GAK: variants seen among roughly 807,000 people sequenced by gnomAD.
The protein encoded by GAK is cyclin G associated kinase.
GAK carries 79 observed loss-of-function variants against 143.9 expected under a neutral mutation model. The ratio of observed to expected loss-of-function variants is 0.55; its 90% CI spans 0.46 to 0.66. The LOEUF is 0.66. Among genes scored for constraint, GAK ranks in the 30% least tolerant of loss-of-function variants. GAK has a pLI of 0.00. For synonymous variants in GAK, 881 were observed against 765.5 expected (o/e 1.15, Z -2.49); for missense variants, 1,693 against 1,779.7 (o/e 0.95, Z 0.88).
rs566715038 is a variant in GAK at position 893,445 on chromosome 4, C to T, written c.922G>A (p.Glu308Lys). The stretch of plus-strand genomic sequence containing the variant: ...ATCTCCTGCAGCTGGTGCACCACCT[C>T]GGCGATGGACAGCCGCTCCTCCGGG... ...VNPEERLSIAEVVHQLQEIAA... is the reference protein window; with the variant it reads ...VNPEERLSIAKVVHQLQEIAA... The change falls in exon 9 of 28, where the codon GAG (glutamate) becomes AAG (lysine). Residue 308 changes from glutamate (E) to lysine (K), a missense_variant. This residue lies in a region of GAK where 871 missense variants were observed against 991.0 expected (regional missense o/e 0.88). Transcript: ENST00000314167. The T allele has an allele frequency of 6.9e-6, 11 of 1,592,578 alleles. No individual in the cohort carries two copies. The highest frequency in any genetic ancestry group is 3.4e-5 in the South Asian group (3 of 88,866).
intron 3 of GAK, chr4:912,341 G>C (rs754254722): frequency 1.6e-5 from 6 of 367,864 alleles, no homozygotes; most frequent in South Asian, 3.9e-5. Flanking sequence ...GGACGAGAGG[G>C]GCGGCTGAGA....
At chr4:927,158 G>A (rs79766792) in intron 1 of GAK, among the ~76,000 whole-genome samples, 3 of 55,054 alleles carry the variant, frequency 5.4e-5, no homozygotes, top group Admixed American at 1.9e-4. Context: ...GCTCACCTGC[G>A]CTCCGCACTG....
intron 23 of GAK, among the ~76,000 whole-genome samples, chr4:863,198 T>C (rs916256078): frequency 1.3e-5 from 2 of 152,236 alleles, no homozygotes; most frequent in Non-Finnish European, 2.9e-5. Flanking sequence ...AGGAAGTCTC[T>C]GCAGATGTGG....
At chr4:929,231 C>G (rs1324303334) in intron 1 of GAK, among the ~76,000 whole-genome samples, 1 of 152,232 alleles carries the variant, frequency 6.6e-6, no homozygotes, top group Non-Finnish European at 1.5e-5. Flanking sequence ...GCGGGCCCAG[C>G]CACTCAGCTA....
At chr4:888,813 C>A (rs373375980) in intron 11 of GAK, 34 bp downstream of exon 11, 16 of 1,581,368 alleles carry the variant, frequency 1.0e-5, no homozygotes, top group South Asian at 2.3e-5. Context: ...AACGAGCGTG[C>A]GGCAGGTCCA....
rs1261468802 is a variant in GAK, at chr4:868,432, C to CT, written c.2395+106_2395+107insA. On this transcript the variant is annotated intron_variant, in intron 20 of 27. Coordinates refer to ENST00000314167, the MANE Select transcript of GAK (RefSeq NM_005255.4). Reference sequence around the variant, plus strand: ...TGCACAGCCCCACTGAGGTGCAACTCAGCTCTGCCGGAGGCCCGTCTCCCA... The same window carrying CT: ...TGCACAGCCCCACTGAGGTGCAACTCTAGCTCTGCCGGAGGCCCGTCTCCCA... 6.7e-6 allele frequency: 8 copies of CT among 1,190,982 alleles called. No homozygotes were observed. In the African/African-American group the frequency reaches 1.2e-4, roughly 18 times the overall value. The allele number at this position is 1,190,982 out of a possible 1,614,324, so 73.8% of individuals were successfully genotyped here. A position where few individuals can be genotyped will look rare whatever the true frequency, so the allele number is the denominator to read the frequency against.
intron 1 of GAK, among the ~76,000 whole-genome samples, chr4:930,064 G>A (rs1309856486): frequency 6.6e-6 from 1 of 152,224 alleles, no homozygotes; most frequent in East Asian, 1.9e-4. Flanking sequence ...TTCTGGAAGT[G>A]TAAACATCTG....
At chr4:891,173 C>T (rs555564294) in intron 9 of GAK, among the ~76,000 whole-genome samples, 2 of 152,194 alleles carry the variant, frequency 1.3e-5, no homozygotes, top group South Asian at 4.2e-4. Context: ...GTTGCCCAGG[C>T]TGGTCTTGAA....
chr4:895,653 CG>C (rs982232741), intron 7 of GAK, among the ~76,000 whole-genome samples: 24 of 152,322 alleles, frequency 1.6e-4, no homozygotes, highest in Admixed American at 5.2e-4. Flanking sequence ...GGCTGAATGA[CG>C]GGGTAAGGGG....
In GAK at chr4:896,331, G is replaced by C. The variant is rs564770059; in HGVS notation, c.741+129C>G. ...TTCTTAAGGAAAGGAAAAAGAAAAG[G>C]GGACGGGAGGGGAAGAGGGGGTGGA... On this transcript the variant is annotated intron_variant, in intron 7 of 27. Transcript: ENST00000314167. 2.1e-4 allele frequency: 141 copies of C among 686,552 alleles called. No homozygotes were observed. The Middle Eastern group carries it at 3.9e-3, about 19-fold the overall frequency. 42.5% of individuals were successfully genotyped at this position (686,552 alleles called of 1,614,324 possible).
chr4:923,127 G>A (rs1487792715), intron 1 of GAK, among the ~76,000 whole-genome samples: 1 of 152,148 alleles, frequency 6.6e-6, no homozygotes, highest in African/African-American at 2.4e-5. Flanking sequence ...CTACGGGGAT[G>A]GAGACTTCCA....
At chr4:892,235 C>T (rs1193519863) in intron 9 of GAK, among the ~76,000 whole-genome samples, 1 of 152,196 alleles carries the variant, frequency 6.6e-6, no homozygotes, top group Non-Finnish European at 1.5e-5. Flanking sequence ...TTCCGGCTTC[C>T]AGCTACCAGG....
At chr4:927,754 C>T (rs146887661) in intron 1 of GAK, among the ~76,000 whole-genome samples, 457 of 141,714 alleles carry the variant, frequency 3.2e-3, no homozygotes, top group East Asian at 0.013. Flanking sequence ...TGCACTGCCC[C>T]GCACCCCTCC....
chr4:925,633 G>A (rs927556966), intron 1 of GAK, among the ~76,000 whole-genome samples: 1 of 152,102 alleles, frequency 6.6e-6, no homozygotes, highest in African/African-American at 2.4e-5. Context: ...TTAGGAGGTG[G>A]GGCCTCCTTG....
chr4:897,979 G>A, intron 6 of GAK, 54 bp downstream of exon 6: 1 of 1,567,774 alleles, frequency 6.4e-7, no homozygotes, highest in Non-Finnish European at 8.7e-7. Context: ...CGCACTCAGG[G>A]CGTGGAATGT....
intron 23 of GAK, among the ~76,000 whole-genome samples, chr4:862,072 C>G (rs2152726548): frequency 6.6e-6 from 1 of 152,150 alleles, no homozygotes; most frequent in East Asian, 1.9e-4. Flanking sequence ...GATGAAGAGG[C>G]TGCACCCGCC....
chr4:859,720 G>A lies in GAK; in HGVS notation c.3169C>T (p.Pro1057Ser). ...GGCTGACCTCCAGGAGAGAAGAGGGGGCCTGGAGAAGGGGCACAGGGCATT... is the reference window on the plus strand; with the variant it reads ...GGCTGACCTCCAGGAGAGAAGAGGGAGCCTGGAGAAGGGGCACAGGGCATT... ...AVAPTPATEG[P>S]LFSPGGQPAP... is the part of the protein sequence containing the mutation. Residue 1057 changes from proline (P) to serine (S), a missense_variant and splice_region_variant, in exon 24 of 28, where the codon CCC becomes TCC. Pro to Ser is a moderately conservative substitution (Grantham distance 74). Coordinates refer to ENST00000314167, the MANE Select transcript of GAK (RefSeq NM_005255.4). The A allele has an allele frequency of 2.5e-6, 4 of 1,586,586 alleles. No individual in the cohort carries two copies. The Admixed American group carries it at 5.1e-5, about 20-fold the overall frequency.
At chr4:873,369 G>C (rs1463371578) in intron 18 of GAK, among the ~76,000 whole-genome samples, 1 of 152,164 alleles carries the variant, frequency 6.6e-6, no homozygotes, top group Non-Finnish European at 1.5e-5. Flanking sequence ...CCACTGTTGA[G>C]ATGCCTTGAG....
intron 1 of GAK, chr4:915,816 C>G (rs898684083): frequency 1.3e-5 from 2 of 152,184 alleles, no homozygotes; most frequent in Non-Finnish European, 2.9e-5. Context: ...GGCGGGGATC[C>G]TTGTTCTCAC....
Sources: gnomAD v4.1 joint callset for allele counts (sites outside exome capture counted in the v4.1 genomes callset) on GRCh38, gnomAD v4.1.1 for gene constraint, gnomAD v4.1.1 regional missense constraint, MANE v1.5 for transcripts, NCBI Gene and HGNC (gene_info 2026-07-23, HGNC 2026-07-21) for gene names.